PTPN21: variants seen among roughly 807,000 people sequenced by gnomAD.
PTPN21 encodes the protein tyrosine-protein phosphatase non-receptor type 21.
PTPN21 carries 77 observed loss-of-function variants against 131.8 expected under a neutral mutation model. The ratio of observed to expected loss-of-function variants is 0.58; its 90% CI spans 0.49 to 0.71. The LOEUF (loss-of-function observed/expected upper bound fraction) is 0.71. PTPN21 is among the 30% of genes least tolerant of loss of function. PTPN21 has a pLI of 0.00. For missense variants in PTPN21, 1,552 were observed against 1,527.1 expected (o/e 1.02, Z -0.27); for synonymous variants, 715 against 621.3 (o/e 1.15, Z -2.24).
intron 3 of PTPN21, among the ~76,000 whole-genome samples, chr14:88,509,890 GC>G (rs1235244339): frequency 6.6e-6 from 1 of 152,126 alleles, no homozygotes. Flanking sequence ...ACAAAAATTA[GC>G]CAGGCGTGGT....
chr14:88,544,617 ATTAC>A (rs1196478942), intron 2 of PTPN21, among the ~76,000 whole-genome samples: 14 of 152,140 alleles, frequency 9.2e-5, no homozygotes, highest in Admixed American at 5.2e-4. Flanking sequence ...TGATTTAATA[ATTAC>A]TTAAATGACA....
chr14:88,513,984 A>G (rs531301191), intron 3 of PTPN21: 1 of 152,356 alleles, frequency 6.6e-6, no homozygotes, highest in East Asian at 1.9e-4. Flanking sequence ...TGACCATACC[A>G]GGTACACAGT....
chr14:88,473,564 A>T, intron 14 of PTPN21, 101 bp downstream of exon 14: 1 of 1,392,276 alleles, frequency 7.2e-7, no homozygotes, highest in Non-Finnish European at 9.8e-7. Context: ...ATTTATTATT[A>T]AATTGTGTTA....
chr14:88,517,447 C>T (rs1017817758), intron 2 of PTPN21, among the ~76,000 whole-genome samples, 186 bp from the exon 3 acceptor site: 4 of 152,008 alleles, frequency 2.6e-5, no homozygotes, highest in Non-Finnish European at 5.9e-5. Flanking sequence ...ACTAGCTACT[C>T]ATATTCAGGA....
chr14:88,522,153 G>A (rs8009080), intron 2 of PTPN21, among the ~76,000 whole-genome samples: 4 of 151,812 alleles, frequency 2.6e-5, no homozygotes, highest in African/African-American at 7.3e-5. Flanking sequence ...TAGGCCGGGC[G>A]TGGTGGATTG....
chr14:88,499,428 G>T (rs1566827160), intron 8 of PTPN21: 1 of 152,412 alleles, frequency 6.6e-6, no homozygotes, highest in East Asian at 1.9e-4. Flanking sequence ...TGTGTGTGTT[G>T]TGGGGCGGGC....
At chr14:88,518,414 ATTTTTTTTTTTTTTT>A (rs869305749) in intron 2 of PTPN21, among the ~76,000 whole-genome samples, 20 of 10,766 alleles carry the variant, frequency 1.9e-3, no homozygotes, top group Non-Finnish European at 2.8e-3. Context: ...ATATATATAT[ATTTTTTTTTTTTTTT>A]TTTTTTTTTT....
intron 3 of PTPN21, chr14:88,513,354 G>A (rs1488039909): frequency 2.6e-5 from 4 of 152,092 alleles, no homozygotes; most frequent in Non-Finnish European, 5.9e-5. Flanking sequence ...TAGTAGAGAC[G>A]GGGTTTCACC....
At chr14:88,473,397 A>T (rs1282434935) in intron 14 of PTPN21, among the ~76,000 whole-genome samples, 4 of 152,178 alleles carry the variant, frequency 2.6e-5, no homozygotes, top group Non-Finnish European at 5.9e-5. Flanking sequence ...AGGCCATCAA[A>T]ATCAAGACTG....
intron 13 of PTPN21, among the ~76,000 whole-genome samples, chr14:88,475,747 C>T (rs1044592678): frequency 6.6e-6 from 1 of 152,192 alleles, no homozygotes; most frequent in African/African-American, 2.4e-5. Flanking sequence ...TCACAAGGTT[C>T]CTGAACATTT....
chr14:88,514,390 G>C (rs984470492), intron 3 of PTPN21, among the ~76,000 whole-genome samples: 1 of 150,876 alleles, frequency 6.6e-6, no homozygotes, highest in Admixed American at 6.6e-5. Context: ...CTGCTTTATG[G>C]TCATATTTTT....
chr14:88,550,494 G>C lies in PTPN21; in HGVS notation c.-77C>G, dbSNP rs991670623. The C allele has an allele frequency of 7.2e-7, 1 of 1,391,462 alleles. No homozygotes were observed. The highest frequency in any genetic ancestry group is 9.9e-7 in the Non-Finnish European group (1 of 1,009,264). The allele number at this position is 1,391,462 out of a possible 1,614,324, so 86.2% of individuals were successfully genotyped here. A position where few individuals can be genotyped will look rare whatever the true frequency, so the allele number is the denominator to read the frequency against. ...CAACCCAGCGCTGGTGACGCCAGGA[G>C]AAAGCGATCCTCTCCGGATGGGACG... is the stretch of plus-strand genomic sequence containing the variant. On this transcript the variant is annotated 5_prime_UTR_variant, in exon 2 of 19. Coordinates refer to ENST00000556564, the MANE Select transcript of PTPN21 (RefSeq NM_007039.4).
At chr14:88,529,914 G>A (rs143929166) in intron 2 of PTPN21, among the ~76,000 whole-genome samples, 1 of 152,038 alleles carries the variant, frequency 6.6e-6, no homozygotes, top group African/African-American at 2.4e-5. Flanking sequence ...CCCAGGAGGT[G>A]GAGGTAGCAG....
At chr14:88,529,403 C>T (rs2078523226) in intron 2 of PTPN21, among the ~76,000 whole-genome samples, 1 of 152,032 alleles carries the variant, frequency 6.6e-6, no homozygotes, top group South Asian at 2.1e-4. Context: ...CATCTATGTT[C>T]ATCAGGGATA....
At chr14:88,498,961 T>C (rs933550809) in intron 8 of PTPN21, among the ~76,000 whole-genome samples, 4 of 152,196 alleles carry the variant, frequency 2.6e-5, no homozygotes, top group Admixed American at 2.0e-4. Flanking sequence ...TTCCGTTGTT[T>C]GTTAAATCTA....
At chr14:88,475,246 C>T (rs2077533231) in intron 13 of PTPN21, among the ~76,000 whole-genome samples, 1 of 152,080 alleles carries the variant, frequency 6.6e-6, no homozygotes, top group Non-Finnish European at 1.5e-5. Context: ...GCCATGAAGC[C>T]CCATGATAAT....
At chr14:88,532,864 CAAAT>C (rs1445335421) in intron 2 of PTPN21, among the ~76,000 whole-genome samples, 2 of 152,102 alleles carry the variant, frequency 1.3e-5, no homozygotes, top group Admixed American at 6.5e-5. Context: ...ACTAAAGAAA[CAAAT>C]AACTCCAAAC....
chr14:88,514,798 G>C (rs1324971012), intron 3 of PTPN21, among the ~76,000 whole-genome samples: 1 of 151,900 alleles, frequency 6.6e-6, no homozygotes, highest in East Asian at 1.9e-4. Flanking sequence ...TCTTTGAGTG[G>C]GTTTTTTTAG....
At chr14:88,493,786 G>A (rs1414144803) in intron 10 of PTPN21, among the ~76,000 whole-genome samples, 1 of 152,074 alleles carries the variant, frequency 6.6e-6, no homozygotes, top group East Asian at 1.9e-4. Flanking sequence ...ACTTGGCTGG[G>A]TAGCCTTTCC....
Sources: gnomAD v4.1 joint callset for allele counts (sites outside exome capture counted in the v4.1 genomes callset) on GRCh38, gnomAD v4.1.1 for gene constraint, MANE v1.5 for transcripts, NCBI Gene and HGNC (gene_info 2026-07-23, HGNC 2026-07-21) for gene names.